ZNF407: variants seen among roughly 807,000 people sequenced by gnomAD.
The protein encoded by ZNF407 is zinc finger protein 407.
Under a neutral mutation model 131.2 loss-of-function variants are expected in ZNF407, and 17 were observed. The ratio of observed to expected loss-of-function variants is 0.13; its 90% CI spans 0.09 to 0.19. The LOEUF is 0.19. Among genes scored for constraint, ZNF407 ranks in the 10% least tolerant of loss-of-function variants. ZNF407 has a pLI of 1.00. For missense variants in ZNF407, 2,681 were observed against 2,830.6 expected (o/e 0.95, Z 1.20); for synonymous variants, 1,156 against 1,062.0 (o/e 1.09, Z -1.72).
chr18:74,933,013 A>T (rs572395322), intron 8 of ZNF407, among the ~76,000 whole-genome samples: 4 of 152,318 alleles, frequency 2.6e-5, no homozygotes, highest in Non-Finnish European at 5.9e-5. Flanking sequence ...ACGTAGAATT[A>T]CCGTATTATC....
intron 4 of ZNF407, among the ~76,000 whole-genome samples, chr18:74,846,065 GTATC>G (rs1164733208): frequency 2.0e-5 from 3 of 152,130 alleles, no homozygotes; most frequent in Non-Finnish European, 4.4e-5. Flanking sequence ...TTTTAGGAAA[GTATC>G]TAATTAACTT....
chr18:74,683,172 A>G (rs1967025015), intron 3 of ZNF407, among the ~76,000 whole-genome samples: 1 of 152,240 alleles, frequency 6.6e-6, no homozygotes, highest in African/African-American at 2.4e-5. Context: ...GTGAGTCATC[A>G]GCAAAAGGCT....
At chr18:74,913,675 T>A (rs1003034059) in intron 7 of ZNF407, among the ~76,000 whole-genome samples, 11 of 152,294 alleles carry the variant, frequency 7.2e-5, no homozygotes, top group African/African-American at 2.6e-4. Context: ...GAGACTTCTG[T>A]CATATCCATT....
intron 8 of ZNF407, among the ~76,000 whole-genome samples, chr18:74,957,648 A>G (rs920236530): frequency 6.6e-6 from 1 of 152,240 alleles, no homozygotes; most frequent in African/African-American, 2.4e-5. Flanking sequence ...TATTCACTGA[A>G]TAATTTCAAG....
Position 74,830,722 on chromosome 18 carries a change from T to C in ZNF407, c.4878-46475T>C, listed in dbSNP as rs574536997. On this transcript the variant is annotated intron_variant, in intron 4 of 8. Coordinates refer to ENST00000299687, the MANE Select transcript of ZNF407 (RefSeq NM_017757.3). ...ATGTATGGTGATCAGATCAGTGTAA[T>C]TGGCATGTCCATCATCTGAAACATT... Among the ~76,000 whole-genome samples the C allele has an allele frequency of 4.6e-5, 7 of 152,358 alleles. No individual in the cohort carries two copies. In the East Asian group the frequency reaches 1.3e-3, roughly 29 times the overall value.
chr18:74,731,055 A>T (rs7238001), intron 3 of ZNF407, among the ~76,000 whole-genome samples: 2 of 152,134 alleles, frequency 1.3e-5, no homozygotes, highest in Admixed American at 6.5e-5. Flanking sequence ...TCCATCTCTT[A>T]TTCTGTTATT....
In ZNF407 at chr18:74,824,418, T is replaced by C. The variant is rs1043325316; in HGVS notation, c.4877+42916T>C. On this transcript the variant is annotated intron_variant, in intron 4 of 8. Coordinates refer to ENST00000299687, the MANE Select transcript of ZNF407 (RefSeq NM_017757.3). Reference sequence around the variant, plus strand: ...AAATCCCTTCAAAACAATCAATGAATTCAGGAGCTGGTTTTTTGAAAAGAT... The same window carrying C: ...AAATCCCTTCAAAACAATCAATGAACTCAGGAGCTGGTTTTTTGAAAAGAT... Among the ~76,000 whole-genome samples, 9 of 152,114 alleles carry C rather than the reference T, an allele frequency of 5.9e-5. No individual in the cohort carries two copies. In the South Asian group the frequency reaches 6.2e-4, roughly 10 times the overall value.
rs896203396 is a variant in ZNF407, at chr18:74,653,292, A to C, written c.4802+12170A>C. On this transcript the variant is annotated intron_variant, in intron 3 of 8. Coordinates refer to ENST00000299687, the MANE Select transcript of ZNF407 (RefSeq NM_017757.3). The stretch of plus-strand genomic sequence containing the variant: ...AGGGATTTCAAGTTGAATCTCTTTA[A>C]AAGTTTATTTAAGCGTCATATTCTC... Among the ~76,000 whole-genome samples the C allele has an allele frequency of 2.0e-5, 3 of 151,848 alleles. 1 individual carries two copies. The highest frequency in any genetic ancestry group is 4.1e-4 in the South Asian group (2 of 4,826).
chr18:74,860,541 G>T (rs1416571368), intron 4 of ZNF407, among the ~76,000 whole-genome samples: 1 of 150,236 alleles, frequency 6.7e-6, no homozygotes, highest in Non-Finnish European at 1.5e-5. Flanking sequence ...AAATGAAATC[G>T]TCTATTTTCA....
chr18:75,021,337 T>C (rs1973108030), intron 8 of ZNF407, among the ~76,000 whole-genome samples: 1 of 151,944 alleles, frequency 6.6e-6, no homozygotes, highest in African/African-American at 2.4e-5. Context: ...GGTGCAATCA[T>C]GGCTCATTGC....
chr18:74,788,828 T>C (rs1220655899), intron 4 of ZNF407, among the ~76,000 whole-genome samples: 2 of 149,532 alleles, frequency 1.3e-5, no homozygotes, highest in Admixed American at 1.3e-4. Flanking sequence ...ATCAATAAAA[T>C]AAATATTTTA....
intron 3 of ZNF407, among the ~76,000 whole-genome samples, chr18:74,643,027 G>T (rs537702787): frequency 1.3e-5 from 2 of 152,108 alleles, no homozygotes; most frequent in Admixed American, 1.3e-4. Flanking sequence ...AGTTGGAACA[G>T]AATGGTAGTG....
At chr18:74,823,783 G>A (rs1970373616) in intron 4 of ZNF407, among the ~76,000 whole-genome samples, 1 of 152,134 alleles carries the variant, frequency 6.6e-6, no homozygotes, top group Admixed American at 6.5e-5. Context: ...TCACCCCACT[G>A]TCAATATTAG....
At chr18:74,681,203 A>T (rs929254874) in intron 3 of ZNF407, among the ~76,000 whole-genome samples, 1 of 151,792 alleles carries the variant, frequency 6.6e-6, no homozygotes, top group African/African-American at 2.4e-5. Context: ...TGCCCTCTTT[A>T]TTCATTGTTA....
chr18:74,726,289 G>C (rs1477962900), intron 3 of ZNF407, among the ~76,000 whole-genome samples: 3 of 152,120 alleles, frequency 2.0e-5, no homozygotes. Context: ...AAGACCCCAT[G>C]ATGAATCATC....
chr18:74,659,040 C>T (rs2144727253), intron 3 of ZNF407, among the ~76,000 whole-genome samples: 1 of 152,122 alleles, frequency 6.6e-6, no homozygotes, highest in South Asian at 2.1e-4. Flanking sequence ...TTGGTATTCT[C>T]CCCCAGATTT....
intron 3 of ZNF407, among the ~76,000 whole-genome samples, chr18:74,641,936 AACCTGAGAAACTTGC>A (rs1984740349): frequency 6.6e-6 from 1 of 152,184 alleles, no homozygotes; most frequent in Admixed American, 6.5e-5. Flanking sequence ...CTTCATGTGA[AACCTGAGAAACTTGC>A]AGTTCTTATG....
At chr18:74,679,450 A>G (rs1966930914) in intron 3 of ZNF407, among the ~76,000 whole-genome samples, 1 of 152,206 alleles carries the variant, frequency 6.6e-6, no homozygotes, top group African/African-American at 2.4e-5. Flanking sequence ...TGTGTCTTCA[A>G]TCACTAGAGC....
At chr18:74,624,896 T>C (rs2144647615) in intron 1 of ZNF407, among the ~76,000 whole-genome samples, 1 of 152,374 alleles carries the variant, frequency 6.6e-6, no homozygotes, top group Non-Finnish European at 1.5e-5. Flanking sequence ...TTTTGCTATC[T>C]GAGTTAAATA....
Sources: allele counts gnomAD v4.1 joint callset (sites outside exome capture counted in the v4.1 genomes callset), GRCh38; gene constraint gnomAD v4.1.1; transcripts MANE v1.5; gene names NCBI Gene and HGNC (gene_info 2026-07-23, HGNC 2026-07-21).